SLC25A48: variants seen among roughly 807,000 people sequenced by gnomAD.
The protein encoded by SLC25A48 is solute carrier family 25 member 48, also known as CTC-321K16.1.
In SLC25A48, 29 loss-of-function variants were observed where a neutral mutation model predicts 32.2. The observed-to-expected ratio is 0.90, with a 90% CI of 0.67 to 1.23. The LOEUF (loss-of-function observed/expected upper bound fraction) is 1.23. Ranked by LOEUF, SLC25A48 falls within the 50% of genes most tolerant of loss-of-function variation. The probability of loss-of-function intolerance (pLI) is 0.00; values close to 1 mark genes in which losing one functional copy is unlikely to be tolerated. For missense variants in SLC25A48, 399 were observed against 422.7 expected, an observed-to-expected ratio of 0.94 and a Z score of 0.49; for synonymous variants, 164 against 172.3, an observed-to-expected ratio of 0.95 and a Z score of 0.38.
intron 1 of SLC25A48, among the ~76,000 whole-genome samples, chr5:135,595,335 C>G (rs1751623506): frequency 6.6e-6 from 1 of 152,136 alleles, no homozygotes; most frequent in African/African-American, 2.4e-5. Context: ...ATGGTGATTC[C>G]ACCCAACCTC....
In SLC25A48 at chr5:135,852,715, C is replaced by A. The variant is rs1386287331; in HGVS notation, c.315C>A (p.Asp105Glu). 1.2e-6 allele frequency: 2 copies of A among 1,614,040 alleles called. No homozygotes were observed. The highest frequency in any genetic ancestry group is 1.7e-6 in the Non-Finnish European group (2 of 1,180,050). ...PEASPPRTLS[D>E]LLLASMVAGV... ...CCAGTCCTCCCCGCACGCTGTCAGA[C>A]CTGCTCCTGGCCAGCATGGTGGCCG... The change falls in exon 4 of 8, where the codon GAC (aspartate) becomes GAA (glutamate). Residue 105 changes from aspartate to glutamate, a missense_variant. Asp to Glu is a conservative substitution (Grantham distance 45). Coordinates refer to ENST00000681962, the MANE Select transcript of SLC25A48 (RefSeq NM_001349336.2).
chr5:135,821,136 T>C (rs1251169223), intron 4 of SLC25A48, among the ~76,000 whole-genome samples: 5 of 152,326 alleles, frequency 3.3e-5, no homozygotes, highest in Non-Finnish European at 5.9e-5. Context: ...GTGGTGCACT[T>C]TCTTACTTGA....
At chr5:135,886,555 C>A in intron 7 of SLC25A48, among the ~76,000 whole-genome samples, 1 of 132,278 alleles carries the variant, frequency 7.6e-6, no homozygotes, top group Non-Finnish European at 1.6e-5. Context: ...TGTGAGTCTT[C>A]CTCCATCAAC....
At chr5:135,670,779 C>G (rs141073051) in intron 3 of SLC25A48, among the ~76,000 whole-genome samples, 1 of 152,150 alleles carries the variant, frequency 6.6e-6, no homozygotes, top group Non-Finnish European at 1.5e-5. Context: ...AGCAGACGCT[C>G]TTTGCCTGTC....
chr5:135,728,841 TACACACACACACACACACACAC>T (rs33918902), intron 3 of SLC25A48, among the ~76,000 whole-genome samples: 29 of 141,440 alleles, frequency 2.1e-4, no homozygotes, highest in South Asian at 1.4e-3. Flanking sequence ...CATACACAAA[TACACACACACACACACACACAC>T]ACACACACAC....
intron 3 of SLC25A48, among the ~76,000 whole-genome samples, chr5:135,706,232 C>T (rs149063852): frequency 6.6e-6 from 1 of 152,278 alleles, no homozygotes; most frequent in East Asian, 1.9e-4. Flanking sequence ...CATGAGCCTC[C>T]AGGACTCCTG....
intron 3 of SLC25A48, among the ~76,000 whole-genome samples, chr5:135,692,108 G>A (rs1160591670): frequency 6.6e-6 from 1 of 152,168 alleles, no homozygotes; most frequent in Non-Finnish European, 1.5e-5. Context: ...CTGAGGTCAG[G>A]AGATCGAGAC....
intron 4 of SLC25A48, among the ~76,000 whole-genome samples, chr5:135,864,203 A>G (rs1461577475): frequency 2.6e-5 from 4 of 152,104 alleles, no homozygotes; most frequent in African/African-American, 9.7e-5. Flanking sequence ...AGGCAAAAAC[A>G]TTTCTCTAGT....
At chr5:135,698,434 A>C (rs1198032081) in intron 3 of SLC25A48, among the ~76,000 whole-genome samples, 2 of 152,242 alleles carry the variant, frequency 1.3e-5, no homozygotes, top group African/African-American at 4.8e-5. Context: ...CTTTTCTTAG[A>C]ACTGATACTA....
chr5:135,618,955 A>G (rs1752254771), intron 1 of SLC25A48, among the ~76,000 whole-genome samples: 1 of 151,796 alleles, frequency 6.6e-6, no homozygotes. Context: ...CAGTTTCACT[A>G]AAATATGCCA....
intron 3 of SLC25A48, among the ~76,000 whole-genome samples, chr5:135,701,606 T>C (rs1754398063): frequency 6.6e-6 from 1 of 152,192 alleles, no homozygotes; most frequent in African/African-American, 2.4e-5. Context: ...CTCCCACTTT[T>C]AAAAGAGACA....
chr5:135,871,082 C>G (rs1011542648), intron 4 of SLC25A48, among the ~76,000 whole-genome samples: 1 of 128,032 alleles, frequency 7.8e-6, no homozygotes, highest in Non-Finnish European at 1.8e-5. Flanking sequence ...CACACACACA[C>G]ACACACACAC....
At chr5:135,718,380 T>A (rs952348033) in intron 3 of SLC25A48, among the ~76,000 whole-genome samples, 13 of 152,218 alleles carry the variant, frequency 8.5e-5, no homozygotes, top group African/African-American at 2.9e-4. Context: ...GTGGTAAAGA[T>A]GTGACATAGC....
At chr5:135,808,134 A>G (rs958019540) in intron 3 of SLC25A48, among the ~76,000 whole-genome samples, 16 of 151,020 alleles carry the variant, frequency 1.1e-4, no homozygotes, top group African/African-American at 3.9e-4. Context: ...AAAACTAGAT[A>G]TTTTAAATGT....
intron 3 of SLC25A48, among the ~76,000 whole-genome samples, chr5:135,775,815 C>A (rs1008764612): frequency 3.3e-5 from 5 of 151,562 alleles, no homozygotes; most frequent in African/African-American, 4.8e-5. Flanking sequence ...GGAGAGGATG[C>A]TATTACGCCC....
At chr5:135,818,113 CT>C (rs1757785960) in intron 4 of SLC25A48, among the ~76,000 whole-genome samples, 1 of 116,556 alleles carries the variant, frequency 8.6e-6, no homozygotes, top group African/African-American at 3.3e-5. Flanking sequence ...CTCTCTCTCT[CT>C]CTCTCCCTCT....
chr5:135,855,064 T>G (rs1406095299), intron 4 of SLC25A48, among the ~76,000 whole-genome samples: 1 of 152,202 alleles, frequency 6.6e-6, no homozygotes, highest in Non-Finnish European at 1.5e-5. Flanking sequence ...GCTGACTCTC[T>G]TATATGGACA....
chr5:135,643,655 G>A (rs991852797), intron 3 of SLC25A48, among the ~76,000 whole-genome samples: 6 of 152,172 alleles, frequency 3.9e-5, no homozygotes, highest in East Asian at 3.9e-4. Flanking sequence ...CAACATTTAT[G>A]GGCATCTCGT....
At chr5:135,835,796 A>G (rs1225535475) in intron 1 of SLC25A48, among the ~76,000 whole-genome samples, 1 of 152,068 alleles carries the variant, frequency 6.6e-6, no homozygotes, top group Non-Finnish European at 1.5e-5. Flanking sequence ...TAAGATGAAA[A>G]GAACAACAAA....
Sources: allele counts gnomAD v4.1 joint callset (sites outside exome capture counted in the v4.1 genomes callset), GRCh38; gene constraint gnomAD v4.1.1; transcripts MANE v1.5; gene names NCBI Gene and HGNC (gene_info 2026-07-23, HGNC 2026-07-21).